The following ARIH1 variants were observed in gnomAD, a reference collection of about 807,000 sequenced individuals.
ARIH1 encodes the protein E3 ubiquitin-protein ligase ARIH1.
A neutral mutation model predicts 85.0 loss-of-function variants in ARIH1; 8 were observed. The observed-to-expected ratio is 0.09, with a 90% CI of 0.06 to 0.17. ARIH1 has a LOEUF of 0.17. Ranked by LOEUF, ARIH1 falls within the 10% of genes least tolerant of loss-of-function variation. The pLI is 1.00. For missense variants in ARIH1, 311 were observed against 718.1 expected (o/e 0.43, Z 6.48); for synonymous variants, 238 against 253.6 (o/e 0.94, Z 0.59).
At position 72,587,624 on chromosome 15, in the gene ARIH1, T is replaced by G. The variant is rs900570420; in HGVS notation, c.*4332T>G. 6.5e-6 allele frequency: 1 copy of G among 153,782 alleles called. No individual in the cohort carries two copies. The highest frequency in any genetic ancestry group is 1.4e-5 in the Non-Finnish European group (1 of 69,126). The allele number at this position is 153,782 out of a possible 1,614,324, so 9.5% of individuals were successfully genotyped here. On this transcript the variant is annotated 3_prime_UTR_variant, in exon 14 of 14. Coordinates refer to ENST00000379887, the MANE Select transcript of ARIH1 (RefSeq NM_005744.5). ...AAAAGATGATAAGCAGTGAGTTTTA[T>G]GAGAAAATTTTGGCTCCTTCAGAAA... is the stretch of plus-strand genomic sequence containing the variant.
chr15:72,474,467 G>A lies in ARIH1; in HGVS notation c.-173G>A. 3.6e-6 allele frequency: 3 copies of A among 835,250 alleles called. No individual in the cohort carries two copies. Among genetic ancestry groups the A allele is most frequent in the Non-Finnish European group, 5.3e-6 (3 of 569,238 alleles). The allele number at this position is 835,250 out of a possible 1,614,324, so 51.7% of individuals were successfully genotyped here. On this transcript the variant is annotated 5_prime_UTR_variant, in exon 1 of 14. Transcript: ENST00000379887. ...CTCCCTCCTCCGCGCCCTCCCCGCC[G>A]CCACCAGCCGTCAAACGCCAACCGC...
At chr15:72,495,802 T>A (rs2063877594) in intron 1 of ARIH1, among the ~76,000 whole-genome samples, 1 of 152,194 alleles carries the variant, frequency 6.6e-6, no homozygotes, top group Admixed American at 6.5e-5. Flanking sequence ...GTTGAGACAT[T>A]GTTTTAAGGT....
rs1450318312 is a variant in ARIH1 at position 72,561,487 on chromosome 15, C to T, written c.742C>T (p.Leu248=). Residue 248 remains leucine (L), a synonymous_variant, in exon 6 of 14, where the codon CTG becomes TTG. Coordinates refer to ENST00000379887, the MANE Select transcript of ARIH1 (RefSeq NM_005744.5). ...TATTTTTATTCTTGGTTTCAGGCGC[C>T]TGATCACAGATTCAAAAGTTAAATT... is the stretch of plus-strand genomic sequence containing the variant. ...ILVDDNTVMR[L]ITDSKVKLKY... The T allele has an allele frequency of 8.2e-6, 13 of 1,593,358 alleles. 2 individuals are homozygous for T. The South Asian group carries it at 1.3e-4, about 17-fold the overall frequency.
At chr15:72,548,018 C>CTT (rs2064137313) in intron 3 of ARIH1, among the ~76,000 whole-genome samples, 1 of 152,120 alleles carries the variant, frequency 6.6e-6, no homozygotes, top group Non-Finnish European at 1.5e-5. Flanking sequence ...ATGGAGAAAC[C>CTT]TATTCATTGA....
intron 5 of ARIH1, among the ~76,000 whole-genome samples, chr15:72,558,857 A>G (rs932138986): frequency 3.3e-5 from 5 of 152,224 alleles, no homozygotes; most frequent in Admixed American, 6.5e-5. Context: ...AAGGCCAGCT[A>G]TCAGAAATCA....
intron 1 of ARIH1, among the ~76,000 whole-genome samples, chr15:72,505,476 A>G (rs1406591079): frequency 6.6e-6 from 1 of 152,166 alleles, no homozygotes; most frequent in African/African-American, 2.4e-5. Flanking sequence ...ATATAGCATA[A>G]TTTATAGGCA....
rs1193064637 is a variant in ARIH1 at position 72,586,542 on chromosome 15, C to A, written c.*3250C>A. On this transcript the variant is annotated 3_prime_UTR_variant, in exon 14 of 14. Coordinates refer to ENST00000379887, the MANE Select transcript of ARIH1 (RefSeq NM_005744.5). ...ACATTCCTAATTCTAATAAAATAAA[C>A]TTTTATTTTGTTATTCCATTAGTTA... is the stretch of plus-strand genomic sequence containing the variant. 6.6e-6 allele frequency: 1 copy of A among 152,250 alleles called. No individual in the cohort carries two copies. Among genetic ancestry groups the A allele is most frequent in the East Asian group, 1.9e-4 (1 of 5,190 alleles). The allele number at this position is 152,250 out of a possible 1,614,324, so 9.4% of individuals were successfully genotyped here. A position where few individuals can be genotyped will look rare whatever the true frequency, so the allele number is the denominator to read the frequency against.
At chr15:72,487,875 T>C (rs2063843525) in intron 1 of ARIH1, among the ~76,000 whole-genome samples, 1 of 152,232 alleles carries the variant, frequency 6.6e-6, no homozygotes, top group Admixed American at 6.5e-5. Context: ...CTTCCCCATC[T>C]TAACATAGCT....
At chr15:72,525,639 A>G (rs1045212885) in intron 2 of ARIH1, among the ~76,000 whole-genome samples, 2 of 152,228 alleles carry the variant, frequency 1.3e-5, no homozygotes, top group Admixed American at 1.3e-4. Flanking sequence ...CTGATTAACT[A>G]TTAAAGTGAT....
intron 1 of ARIH1, among the ~76,000 whole-genome samples, chr15:72,475,322 T>A (rs1486094268): frequency 6.6e-6 from 1 of 152,116 alleles, no homozygotes; most frequent in Admixed American, 6.5e-5. Context: ...GTCCTTTCTC[T>A]GGCCGGGCGA....
chr15:72,536,863 A>G (rs1179892187), intron 2 of ARIH1, among the ~76,000 whole-genome samples: 1 of 152,146 alleles, frequency 6.6e-6, no homozygotes, highest in Non-Finnish European at 1.5e-5. Context: ...TTTTATTACA[A>G]TGCTGTTTTT....
At chr15:72,581,049 TTTCATATATAAGA>T in intron 12 of ARIH1, 58 bp downstream of exon 12, 1 of 1,533,058 alleles carries the variant, frequency 6.5e-7, no homozygotes, top group Non-Finnish European at 8.9e-7. Context: ...CTACCTGATC[TTTCATATATAAGA>T]TACAGAGTTT....
intron 2 of ARIH1, among the ~76,000 whole-genome samples, chr15:72,524,430 G>A (rs1254068509): frequency 1.3e-5 from 2 of 151,844 alleles, no homozygotes; most frequent in African/African-American, 4.8e-5. Context: ...GGCCAGGCTG[G>A]TCTGGAACTC....
intron 4 of ARIH1, 21 bp from the exon 5 acceptor site, chr15:72,555,831 T>G: frequency 1.2e-6 from 2 of 1,608,774 alleles, no homozygotes; most frequent in Non-Finnish European, 1.7e-6. Flanking sequence ...TGAAGACAGT[T>G]TAAATTTCAA....
At chr15:72,499,281 A>G (rs1198039632) in intron 1 of ARIH1, among the ~76,000 whole-genome samples, 2 of 151,862 alleles carry the variant, frequency 1.3e-5, no homozygotes, top group African/African-American at 4.8e-5. Context: ...ATGGTATTTA[A>G]TGTATAATTA....
intron 5 of ARIH1, among the ~76,000 whole-genome samples, chr15:72,559,689 C>T (rs1027978075): frequency 3.3e-5 from 5 of 152,122 alleles, no homozygotes; most frequent in Admixed American, 1.3e-4. Flanking sequence ...AGCAGTCATT[C>T]GCTATTCCTT....
At chr15:72,481,972 G>T (rs944261680) in intron 1 of ARIH1, among the ~76,000 whole-genome samples, 1 of 152,006 alleles carries the variant, frequency 6.6e-6, no homozygotes, top group African/African-American at 2.4e-5. Context: ...GAGTAGCTGG[G>T]ATTACAGGCG....
chr15:72,543,165 C>T (rs1289536202), intron 2 of ARIH1, among the ~76,000 whole-genome samples: 2 of 151,962 alleles, frequency 1.3e-5, no homozygotes, highest in African/African-American at 2.4e-5. Context: ...GAACTACTGA[C>T]CTCAAGTGAT....
chr15:72,476,356 T>C (rs1416869586), intron 1 of ARIH1, among the ~76,000 whole-genome samples: 1 of 152,070 alleles, frequency 6.6e-6, no homozygotes, highest in Non-Finnish European at 1.5e-5. Flanking sequence ...AAGTTGAGGA[T>C]TGTAGAAGAT....
Sources: allele counts gnomAD v4.1 joint callset (sites outside exome capture counted in the v4.1 genomes callset), GRCh38; gene constraint gnomAD v4.1.1; transcripts MANE v1.5; gene names NCBI Gene and HGNC (gene_info 2026-07-23, HGNC 2026-07-21).